The following MICAL3 variants were observed in gnomAD, a reference collection of about 807,000 sequenced individuals.
MICAL3 encodes the protein [F-actin]-monooxygenase MICAL3.
In MICAL3, 62 loss-of-function variants were observed where a neutral mutation model predicts 207.4. The ratio of observed to expected loss-of-function variants is 0.30; its 90% CI spans 0.24 to 0.37. The LOEUF is 0.37. MICAL3 is among the 10% of genes least tolerant of loss of function. The pLI is 1.00. For synonymous variants in MICAL3, 1,077 were observed against 1,069.3 expected (o/e 1.01, Z -0.14); for missense variants, 2,368 against 2,635.6 (o/e 0.90, Z 2.22).
intron 1 of MICAL3, among the ~76,000 whole-genome samples, chr22:17,982,313 G>A (rs1015336274): frequency 6.6e-5 from 10 of 152,216 alleles, no homozygotes; most frequent in Non-Finnish European, 1.3e-4. Flanking sequence ...GAAACTGCAC[G>A]TGCAACACGT....
Position 17,957,391 on chromosome 22 carries a change from T to C in MICAL3, c.-74-50505A>G, listed in dbSNP as rs184197637. On this transcript the variant is annotated intron_variant, in intron 1 of 31. Transcript: ENST00000441493. ...TTTTGCAATTTCCGACTGAAACTAATCTCATCTGATACAAAAATGTGAATA... is the reference window on the plus strand; with the variant it reads ...TTTTGCAATTTCCGACTGAAACTAACCTCATCTGATACAAAAATGTGAATA... 4.5e-3 allele frequency among the ~76,000 whole-genome samples: 693 copies of C among 152,320 alleles called. 7 individuals carry two copies. Among genetic ancestry groups the C allele is most frequent in the African/African-American group, 0.016 (658 of 41,576 alleles).
At chr22:17,919,957 G>A (rs1327954180) in intron 1 of MICAL3, among the ~76,000 whole-genome samples, 1 of 152,202 alleles carries the variant, frequency 6.6e-6, no homozygotes, top group African/African-American at 2.4e-5. Flanking sequence ...CCCCAGAGAC[G>A]AGTGAAGGAC....
At chr22:17,950,863 A>C (rs915082857) in intron 1 of MICAL3, among the ~76,000 whole-genome samples, 1 of 152,224 alleles carries the variant, frequency 6.6e-6, no homozygotes, top group African/African-American at 2.4e-5. Flanking sequence ...CAGAGGCTAA[A>C]GCCATGAACT....
intron 16 of MICAL3, chr22:17,876,354 G>A (rs533651236): frequency 2.3e-4 from 35 of 152,422 alleles, no homozygotes; most frequent in African/African-American, 8.2e-4. Flanking sequence ...AAGTCATGAT[G>A]CTAGAAAGCC....
In MICAL3 at chr22:17,862,264, T is replaced by TC. The variant is rs919317311; in HGVS notation, c.2605+2634_2605+2635insG. The TC allele has an allele frequency of 1.4e-5, 13 of 897,316 alleles. No individual in the cohort carries two copies. In the African/African-American group the frequency reaches 1.8e-4, roughly 13 times the overall value. 55.6% of individuals were successfully genotyped at this position (897,316 alleles called of 1,614,324 possible). ...ACACCTGAGCTTTCCCTTTTCTTCT[T>TC]TTTTTTTTTTAGATGGAGTCTTGCT... On this transcript the variant is annotated intron_variant, in intron 19 of 31. Transcript: ENST00000441493.
At chr22:17,933,525 A>T (rs1933370581) in intron 1 of MICAL3, among the ~76,000 whole-genome samples, 1 of 152,222 alleles carries the variant, frequency 6.6e-6, no homozygotes, top group Non-Finnish European at 1.5e-5. Flanking sequence ...AGCAGGAAAG[A>T]TCTAAAATCG....
chr22:17,982,478 C>T (rs1453243703), intron 1 of MICAL3, among the ~76,000 whole-genome samples: 1 of 152,170 alleles, frequency 6.6e-6, no homozygotes, highest in Non-Finnish European at 1.5e-5. Context: ...CAAGACCAGC[C>T]TGGCCAAGAT....
intron 18 of MICAL3, among the ~76,000 whole-genome samples, chr22:17,865,370 G>A (rs1926978188): frequency 6.6e-6 from 1 of 152,216 alleles, no homozygotes; most frequent in South Asian, 2.1e-4. Context: ...TGAAGAGACT[G>A]CTGGGTTCAC....
At chr22:17,816,666 G>A (rs947594084) in intron 27 of MICAL3, 24 bp downstream of exon 27, 1 of 1,535,730 alleles carries the variant, frequency 6.5e-7, no homozygotes, top group Non-Finnish European at 8.8e-7. Flanking sequence ...CAGGCCCTGT[G>A]AAGCCCCCTG....
At chr22:17,944,261 A>G (rs961826498) in intron 1 of MICAL3, among the ~76,000 whole-genome samples, 3 of 152,184 alleles carry the variant, frequency 2.0e-5, no homozygotes, top group Non-Finnish European at 1.5e-5. Flanking sequence ...TCGGGACTTC[A>G]TTATTTTCAG....
chr22:18,002,588 G>A (rs903348150), intron 1 of MICAL3, among the ~76,000 whole-genome samples: 4 of 152,076 alleles, frequency 2.6e-5, no homozygotes, highest in Non-Finnish European at 5.9e-5. Flanking sequence ...AGCCCAGATC[G>A]TGCCATTGCA....
intron 1 of MICAL3, 41 bp from the exon 2 acceptor site, chr22:17,906,927 C>T: frequency 9.6e-7 from 1 of 1,037,662 alleles, no homozygotes; most frequent in Non-Finnish European, 1.4e-6. Flanking sequence ...ATTTCTCTGT[C>T]TACAAACATT....
intron 7 of MICAL3, 63 bp from the exon 8 acceptor site, chr22:17,897,044 T>C: frequency 2.0e-6 from 3 of 1,526,202 alleles, no homozygotes; most frequent in Non-Finnish European, 2.6e-6. Flanking sequence ...AGAACCATGT[T>C]ACACAACCCA....
chr22:17,886,335 G>A (rs1194757165), intron 15 of MICAL3, among the ~76,000 whole-genome samples: 1 of 152,242 alleles, frequency 6.6e-6, no homozygotes, highest in Non-Finnish European at 1.5e-5. Context: ...CATCCCTGGT[G>A]TGCTCTGGAA....
intron 19 of MICAL3, among the ~76,000 whole-genome samples, chr22:17,847,876 G>A (rs538042542): frequency 1.3e-5 from 2 of 152,264 alleles, no homozygotes; most frequent in East Asian, 3.9e-4. Context: ...TGTTGCCCAG[G>A]CTGGTCTTGA....
chr22:17,818,614 G>T lies in MICAL3; in HGVS notation c.4047C>A (p.Pro1349=). The change falls in exon 26 of 32, where the codon CCC becomes CCA. Residue 1349 remains proline (P), a synonymous_variant. Transcript: ENST00000441493. ...GLTPVDRSKG[P]EPSFPTPAFR... ...AGGCAGGCGTGGGGAAGCTGGGCTC[G>T]GGCCCCTTGCTGCGGTCCACAGGTG... is the stretch of plus-strand genomic sequence containing the variant. The T allele has an allele frequency of 6.8e-6, 11 of 1,613,582 alleles. No individual in the cohort carries two copies. Among genetic ancestry groups the T allele is most frequent in the Non-Finnish European group, 9.3e-6 (11 of 1,179,884 alleles).
At chr22:17,815,881 G>A (rs375321982) in intron 27 of MICAL3, among the ~76,000 whole-genome samples, 105 of 152,350 alleles carry the variant, frequency 6.9e-4, no homozygotes, top group East Asian at 2.5e-3. Flanking sequence ...GCTATTGGAC[G>A]GCAGGAGAGG....
intron 1 of MICAL3, among the ~76,000 whole-genome samples, chr22:17,959,869 A>G (rs1934814949): frequency 6.6e-6 from 1 of 152,208 alleles, no homozygotes. Context: ...AACTGGATGG[A>G]AGACAGACCT....
intron 20 of MICAL3, among the ~76,000 whole-genome samples, chr22:17,838,859 T>C (rs1243302858): frequency 1.3e-5 from 2 of 151,718 alleles, no homozygotes; most frequent in East Asian, 1.9e-4. Flanking sequence ...CTTGGTGCTG[T>C]AGGGAAGACA....
Sources: gnomAD v4.1 joint callset for allele counts (sites outside exome capture counted in the v4.1 genomes callset) on GRCh38, gnomAD v4.1.1 for gene constraint, MANE v1.5 for transcripts, NCBI Gene and HGNC (gene_info 2026-07-23, HGNC 2026-07-21) for gene names.